The following CASP8 variants were observed in gnomAD, a reference collection of about 807,000 sequenced individuals.
CASP8 encodes the protein caspase-8.
In CASP8, 24 loss-of-function variants were observed where a neutral mutation model predicts 46.3. That is an observed-to-expected ratio of 0.52 (90% CI 0.38 to 0.73). The LOEUF is 0.73. Ranked by LOEUF, CASP8 falls within the 30% of genes least tolerant of loss-of-function variation. The pLI is 0.00. For synonymous variants in CASP8, 188 were observed against 200.4 expected (o/e 0.94, Z 0.52); for missense variants, 460 against 559.0 (o/e 0.82, Z 1.79).
At chr2:201,284,595 C>T (rs1387854690) in intron 7 of CASP8, among the ~76,000 whole-genome samples, 1 of 59,888 alleles carries the variant, frequency 1.7e-5, no homozygotes, top group Non-Finnish European at 3.6e-5. Flanking sequence ...GAGAATCAGG[C>T]AGGGAGGTTG....
intron 2 of CASP8, among the ~76,000 whole-genome samples, chr2:201,234,273 G>A (rs532203072): frequency 1.7e-4 from 26 of 152,258 alleles, no homozygotes; most frequent in Admixed American, 3.9e-4. Flanking sequence ...CTGTACACTG[G>A]TATGAGTGGA....
chr2:201,258,154 G>A, upstream of CASP8: 1 of 1,532,244 alleles, frequency 6.5e-7, no homozygotes, highest in Non-Finnish European at 9.0e-7. Context: ...TGTTTTCACA[G>A]GTTCTCCTCC....
At chr2:201,273,581 T>C (rs533777149) in intron 5 of CASP8, among the ~76,000 whole-genome samples, 95 of 152,322 alleles carry the variant, frequency 6.2e-4, no homozygotes, top group African/African-American at 2.3e-3. Flanking sequence ...AAGTCACTCC[T>C]TTCAACTTCC....
intron 2 of CASP8, chr2:201,269,651 A>G: frequency 2.2e-6 from 3 of 1,375,988 alleles, no homozygotes; most frequent in Non-Finnish European, 3.1e-6. Flanking sequence ...TAGAGATAAA[A>G]GGGTCCGGGC....
In CASP8 at chr2:201,236,696, G is replaced by T. The variant is rs375481286; in HGVS notation, c.-27+2584G>T. Among the ~76,000 whole-genome samples, 144 of 151,986 alleles carry T rather than the reference G, an allele frequency of 9.5e-4. 1 individual carries two copies. The highest frequency in any genetic ancestry group is 3.3e-3 in the African/African-American group (138 of 41,474). On this transcript the variant is annotated intron_variant, in intron 2 of 6. Coordinates refer to the CASP8 transcript ENST00000264274. Reference sequence around the variant, plus strand: ...CCCCACCGCAGACTCAACCTCCCAGGCTCAAGTGATTCTCCCACTTCAGCT... The same window carrying T: ...CCCCACCGCAGACTCAACCTCCCAGTCTCAAGTGATTCTCCCACTTCAGCT...
intron 2 of CASP8, among the ~76,000 whole-genome samples, chr2:201,249,730 GA>G (rs893733786): frequency 6.6e-6 from 1 of 150,914 alleles, no homozygotes; most frequent in Non-Finnish European, 1.5e-5. Flanking sequence ...GTCTCAGAAA[GA>G]AAAAAAAAGA....
At chr2:201,280,652 A>G (rs1160926700) in intron 7 of CASP8, among the ~76,000 whole-genome samples, 1 of 152,240 alleles carries the variant, frequency 6.6e-6, no homozygotes, top group East Asian at 1.9e-4. Flanking sequence ...AAGGAAACTG[A>G]TAAGAAAGAG....
chr2:201,274,537 C>T (rs531783910), intron 5 of CASP8, among the ~76,000 whole-genome samples: 1 of 152,292 alleles, frequency 6.6e-6, no homozygotes, highest in East Asian at 1.9e-4. Context: ...TGCAGTAGTG[C>T]GATCTCAGCT....
intron 2 of CASP8, among the ~76,000 whole-genome samples, chr2:201,252,038 T>G (rs1946810988): frequency 6.6e-6 from 1 of 152,230 alleles, no homozygotes; most frequent in Non-Finnish European, 1.5e-5. Context: ...TGTCAGTGTT[T>G]CGGATTTTAG....
At chr2:201,260,426 C>T (rs1041912548), upstream of CASP8, 1 of 486,380 alleles carries the variant, frequency 2.1e-6, no homozygotes, top group East Asian at 1.5e-4. Flanking sequence ...AGAAGGCACT[C>T]TGCTCACTCA....
At chr2:201,252,947 G>A (rs1213728139) in intron 2 of CASP8, among the ~76,000 whole-genome samples, 2 of 152,252 alleles carry the variant, frequency 1.3e-5, no homozygotes, top group East Asian at 1.9e-4. Context: ...GAAACCTAAT[G>A]GAGAAAATAT....
chr2:201,247,726 C>G lies in CASP8; in HGVS notation c.-27+13614C>G, dbSNP rs1441482425. Among the ~76,000 whole-genome samples, 6 of 152,142 alleles carry G rather than the reference C, an allele frequency of 3.9e-5. No homozygotes were observed. The South Asian group carries it at 1.2e-3, about 32-fold the overall frequency. ...GTGGTGCGATCTCGGCTCACTGCAA[C>G]CTCCACCTCCCGGGTTCAAGGGATT... On this transcript the variant is annotated intron_variant, in intron 2 of 6. Transcript: ENST00000264274.
At chr2:201,269,579 G>A (rs749516269) in intron 2 of CASP8, 1 of 1,613,314 alleles carries the variant, frequency 6.2e-7, no homozygotes, top group Non-Finnish European at 8.5e-7. Flanking sequence ...TACCTTTCTG[G>A]CGGAGGGTCG....
At chr2:201,238,577 G>A (rs566558251) in intron 2 of CASP8, among the ~76,000 whole-genome samples, 2 of 152,056 alleles carry the variant, frequency 1.3e-5, no homozygotes, top group African/African-American at 4.8e-5. Flanking sequence ...GAGTAGCTGG[G>A]ACAATAGGCA....
At chr2:201,278,275 TTA>T (rs1428212787) in intron 7 of CASP8, 8 of 152,464 alleles carry the variant, frequency 5.2e-5, no homozygotes, top group Non-Finnish European at 1.0e-4. Flanking sequence ...GTTCCTGTTC[TTA>T]TGTTTTATGC....
At chr2:201,249,154 A>C (rs1294254008) in intron 2 of CASP8, among the ~76,000 whole-genome samples, 2 of 152,140 alleles carry the variant, frequency 1.3e-5, no homozygotes, top group Non-Finnish European at 2.9e-5. Context: ...TGGCCTCCCA[A>C]AGTGCTGGGA....
At chr2:201,252,704 TC>T (rs1404941531) in intron 2 of CASP8, among the ~76,000 whole-genome samples, 1 of 152,232 alleles carries the variant, frequency 6.6e-6, no homozygotes, top group Non-Finnish European at 1.5e-5. Flanking sequence ...ACTCATTTTC[TC>T]AGAAACTAGG....
intron 1 of CASP8, among the ~76,000 whole-genome samples, chr2:201,260,834 C>T (rs1947337379): frequency 6.6e-6 from 1 of 152,104 alleles, no homozygotes; most frequent in South Asian, 2.1e-4. Flanking sequence ...GATCTGAAGG[C>T]CATTCTAGCT....
intron 2 of CASP8, among the ~76,000 whole-genome samples, chr2:201,254,805 G>A (rs1946942535): frequency 6.6e-6 from 1 of 152,178 alleles, no homozygotes; most frequent in African/African-American, 2.4e-5. Context: ...ATTCTAGAGG[G>A]TGGAAACCAC....
Sources: allele counts gnomAD v4.1 joint callset (sites outside exome capture counted in the v4.1 genomes callset), GRCh38; gene constraint gnomAD v4.1.1; transcripts MANE v1.5; gene names NCBI Gene and HGNC (gene_info 2026-07-23, HGNC 2026-07-21).